Variants in TMEM245 observed in about 807,000 individuals in gnomAD.
TMEM245 encodes the protein protein CG-2.
In TMEM245, 69 loss-of-function variants were observed where a neutral mutation model predicts 101.2. That is an observed-to-expected ratio of 0.68 (90% CI 0.56 to 0.83). TMEM245 has a LOEUF of 0.83. Among genes scored for constraint, TMEM245 ranks in the 40% least tolerant of loss-of-function variants. The probability of loss-of-function intolerance (pLI) is 0.00; values close to 1 mark genes in which losing one functional copy is unlikely to be tolerated. For missense variants in TMEM245, 1,075 were observed against 1,092.8 expected (o/e 0.98, Z 0.23); for synonymous variants, 537 against 449.8 (o/e 1.19, Z -2.45).
Position 109,069,945 on chromosome 9 carries a change from A to G in TMEM245, c.1532+3411T>C, listed in dbSNP as rs1215770973. Among the ~76,000 whole-genome samples the G allele has an allele frequency of 3.3e-5, 5 of 152,184 alleles. No individual in the cohort carries two copies. The South Asian group carries it at 1.0e-3, about 31-fold the overall frequency. ...AGCTGCTAAACCCAATTTCACTCTT[A>G]GAAAATTTCTGCAGCAATTTGACAT... On this transcript the variant is annotated intron_variant, in intron 9 of 17. Coordinates refer to ENST00000374586, the MANE Select transcript of TMEM245 (RefSeq NM_032012.4).
At chr9:109,048,405 C>T (rs1294388286) in intron 14 of TMEM245, among the ~76,000 whole-genome samples, 1 of 151,216 alleles carries the variant, frequency 6.6e-6, no homozygotes, top group African/African-American at 2.4e-5. Context: ...AAAAAATATA[C>T]CAAGATCAAT....
intron 17 of TMEM245, among the ~76,000 whole-genome samples, chr9:109,028,969 T>C (rs1303646631): frequency 6.6e-6 from 1 of 152,194 alleles, no homozygotes; most frequent in East Asian, 1.9e-4. Flanking sequence ...AGAAGCTGTA[T>C]CGTAAATGTA....
At chr9:109,041,158 A>G (rs111312926) in intron 14 of TMEM245, among the ~76,000 whole-genome samples, 14 of 152,204 alleles carry the variant, frequency 9.2e-5, no homozygotes, top group African/African-American at 3.4e-4. Context: ...GAACAATTCA[A>G]CCCATGAAAA....
chr9:109,038,252 T>C (rs1191412552), intron 14 of TMEM245, 135 bp from the exon 15 acceptor site: 5 of 527,750 alleles, frequency 9.5e-6, no homozygotes, highest in Non-Finnish European at 1.6e-5. Context: ...GCTATTTTCA[T>C]TTTATTTCAA....
chr9:109,095,473 G>C (rs1830115107), intron 3 of TMEM245, among the ~76,000 whole-genome samples: 1 of 152,194 alleles, frequency 6.6e-6, no homozygotes, highest in East Asian at 1.9e-4. Flanking sequence ...GCATATTAAA[G>C]ACAGTGAAAG....
intron 4 of TMEM245, 84 bp from the exon 5 acceptor site, chr9:109,091,239 G>T: frequency 8.4e-7 from 1 of 1,195,374 alleles, no homozygotes; most frequent in Non-Finnish European, 1.2e-6. Context: ...AGGCTAGCCT[G>T]TTTCAGGCCT....
At chr9:109,029,807 G>C (rs1342427809) in intron 17 of TMEM245, among the ~76,000 whole-genome samples, 2 of 152,200 alleles carry the variant, frequency 1.3e-5, no homozygotes, top group African/African-American at 2.4e-5. Flanking sequence ...TTCTTTAGAA[G>C]ACCAACTATG....
Position 109,119,893 on chromosome 9 carries a change from A to T in TMEM245, c.21T>A (p.Pro7=), listed in dbSNP as rs1171914101. The T allele has an allele frequency of 4.7e-6, 6 of 1,273,396 alleles. No homozygotes were observed. In the Admixed American group the frequency reaches 1.2e-4, roughly 26 times the overall value. The allele number at this position is 1,273,396 out of a possible 1,614,324, so 78.9% of individuals were successfully genotyped here. A position where few individuals can be genotyped will look rare whatever the true frequency, so the allele number is the denominator to read the frequency against. The change falls in exon 1 of 18, where the codon CCT becomes CCA. Residue 7 remains proline (P), a synonymous_variant. Transcript: ENST00000374586. ...AGCTCCGCAGGCTTGGCGCGTCCTTAGGGCCGCCGCCGTCGGCCATCGTTC... is the reference window on the plus strand; with the variant it reads ...AGCTCCGCAGGCTTGGCGCGTCCTTTGGGCCGCCGCCGTCGGCCATCGTTC... MADGGG[P]KDAPSLRSSP...
intron 3 of TMEM245, among the ~76,000 whole-genome samples, chr9:109,100,759 C>A (rs919239429): frequency 6.6e-6 from 1 of 152,222 alleles, no homozygotes; most frequent in Non-Finnish European, 1.5e-5. Flanking sequence ...TACCATCTAT[C>A]TTACAAAGAT....
At chr9:109,020,896 A>G (rs758369946) in intron 17 of TMEM245, among the ~76,000 whole-genome samples, 16 of 152,238 alleles carry the variant, frequency 1.1e-4, no homozygotes, top group Non-Finnish European at 1.9e-4. Flanking sequence ...AAAACCACTA[A>G]GAGACCAAAG....
chr9:109,063,215 G>A (rs1307231257), intron 10 of TMEM245, among the ~76,000 whole-genome samples: 1 of 148,596 alleles, frequency 6.7e-6, no homozygotes, highest in African/African-American at 2.5e-5. Flanking sequence ...TGCCTCCCGA[G>A]TTCAAGTGAT....
At chr9:109,072,222 C>A (rs1335193610) in intron 9 of TMEM245, among the ~76,000 whole-genome samples, 2 of 149,786 alleles carry the variant, frequency 1.3e-5, no homozygotes, top group African/African-American at 5.1e-5. Flanking sequence ...GCTCTCTTAT[C>A]TGTAAACACT....
At chr9:109,094,563 C>T (rs1830090475) in intron 3 of TMEM245, among the ~76,000 whole-genome samples, 2 of 152,252 alleles carry the variant, frequency 1.3e-5, no homozygotes. Context: ...CGAGCAGCAG[C>T]AGCCGTGGCC....
chr9:109,025,712 GA>G (rs1173975378), intron 17 of TMEM245, among the ~76,000 whole-genome samples: 1 of 149,908 alleles, frequency 6.7e-6, no homozygotes, highest in African/African-American at 2.5e-5. Context: ...CAAAAATCCA[GA>G]AAGTATGCAT....
intron 8 of TMEM245, 33 bp from the exon 9 acceptor site, chr9:109,073,471 A>C (rs1829395638): frequency 1.3e-6 from 2 of 1,514,208 alleles, no homozygotes; most frequent in Non-Finnish European, 1.8e-6. Flanking sequence ...AAAGAATCTC[A>C]GTAAAAAATA....
chr9:109,119,289 G>A (rs151330192), intron 1 of TMEM245, 46 bp downstream of exon 1: 1 of 1,497,390 alleles, frequency 6.7e-7, no homozygotes, highest in South Asian at 1.3e-5. Flanking sequence ...ACCCCAGAGC[G>A]CCGGGACCAC....
intron 17 of TMEM245, among the ~76,000 whole-genome samples, chr9:109,031,245 C>T (rs1827936259): frequency 6.6e-6 from 1 of 152,166 alleles, no homozygotes; most frequent in East Asian, 1.9e-4. Context: ...GTACTGTGCG[C>T]ATGTCCACCA....
chr9:109,093,312 A>G (rs10979687), intron 4 of TMEM245, among the ~76,000 whole-genome samples, 163 bp downstream of exon 4: 1 of 152,230 alleles, frequency 6.6e-6, no homozygotes, highest in Non-Finnish European at 1.5e-5. Flanking sequence ...ATATATGAGA[A>G]CAAAGATGAG....
chr9:109,064,804 G>A (rs967137750), intron 9 of TMEM245, among the ~76,000 whole-genome samples: 1 of 152,062 alleles, frequency 6.6e-6, no homozygotes, highest in Non-Finnish European at 1.5e-5. Flanking sequence ...TTTTTGAGAT[G>A]GAGTTTCACT....
Sources: allele counts gnomAD v4.1 joint callset (sites outside exome capture counted in the v4.1 genomes callset), GRCh38; gene constraint gnomAD v4.1.1; transcripts MANE v1.5; gene names NCBI Gene and HGNC (gene_info 2026-07-23, HGNC 2026-07-21).